The following KIF13B variants were observed in gnomAD, a reference collection of about 807,000 sequenced individuals.
KIF13B encodes the protein kinesin-like protein KIF13B.
KIF13B carries 127 observed loss-of-function variants against 222.0 expected under a neutral mutation model. The observed-to-expected ratio is 0.57, with a 90% CI of 0.50 to 0.66. KIF13B has a LOEUF of 0.66. Ranked by LOEUF, KIF13B falls within the 30% of genes least tolerant of loss-of-function variation. The probability of loss-of-function intolerance (pLI) is 0.00; values close to 1 mark genes in which losing one functional copy is unlikely to be tolerated. For synonymous variants in KIF13B, 976 were observed against 919.0 expected, an observed-to-expected ratio of 1.06 and a Z score of -1.12; for missense variants, 2,173 against 2,379.0, an observed-to-expected ratio of 0.91 and a Z score of 1.80.
intron 31 of KIF13B, among the ~76,000 whole-genome samples, chr8:29,116,326 G>A (rs955945434): frequency 1.3e-5 from 2 of 152,192 alleles, no homozygotes; most frequent in African/African-American, 2.4e-5. Context: ...AAAATTAGCC[G>A]GATGTGGTGG....
At chr8:29,262,702 G>T (rs1816726572) in intron 1 of KIF13B, among the ~76,000 whole-genome samples, 1 of 151,398 alleles carries the variant, frequency 6.6e-6, no homozygotes, top group Admixed American at 6.6e-5. Context: ...AGGGCAAAAG[G>T]GCGCAGGGGC....
chr8:29,230,944 A>G (rs1333211710), intron 2 of KIF13B, among the ~76,000 whole-genome samples: 1 of 152,174 alleles, frequency 6.6e-6, no homozygotes, highest in Non-Finnish European at 1.5e-5. Context: ...CAATCACACC[A>G]TCACGGCTCA....
rs773997871 is a variant in KIF13B, at chr8:29,165,734, T to G, written c.1197A>C (p.Glu399Asp). ...KSPELKDRLE[E>D]SEKLIQEMTV... ...TCATTTCCTGGATTAGCTTCTCAGA[T>G]TCTTCCAGCCGGTCCTTTAGCTCTG... The change falls in exon 12 of 40, where the codon GAA becomes GAC. Residue 399 changes from glutamate to aspartate, a missense_variant. By Grantham distance (45) the Glu-to-Asp change is conservative. Transcript: ENST00000524189. The G allele has an allele frequency of 6.2e-7, 1 of 1,613,894 alleles. No individual in the cohort carries two copies. Among genetic ancestry groups the G allele is most frequent in the East Asian group, 2.2e-5 (1 of 44,890 alleles).
intron 2 of KIF13B, among the ~76,000 whole-genome samples, chr8:29,198,098 A>C (rs1813522384): frequency 6.6e-6 from 1 of 152,214 alleles, no homozygotes; most frequent in Non-Finnish European, 1.5e-5. Context: ...TTCTGACAAG[A>C]ACATTAAAAC....
At chr8:29,253,006 G>A (rs2130682161) in intron 1 of KIF13B, among the ~76,000 whole-genome samples, 1 of 152,258 alleles carries the variant, frequency 6.6e-6, no homozygotes, top group East Asian at 1.9e-4. Flanking sequence ...ATACAACTGA[G>A]CTCTAACATG....
At position 29,071,004 on chromosome 8, in the gene KIF13B, C is replaced by T. The variant is rs901961212; in HGVS notation, c.5219-238G>A. The stretch of plus-strand genomic sequence containing the variant: ...AGTGGTGACCAAGGATGCACAGCCC[C>T]AGTCCTGCAGCCTCAGGTAGGAGGT... On this transcript the variant is annotated intron_variant, in intron 39 of 39. Coordinates refer to ENST00000524189, the MANE Select transcript of KIF13B (RefSeq NM_015254.4). The surrounding 1 kb of genome is among the most constrained non-coding windows in gnomAD (Gnocchi z 4.9). Among the ~76,000 whole-genome samples the T allele has an allele frequency of 1.3e-5, 2 of 152,194 alleles. No individual in the cohort carries two copies. The highest frequency in any genetic ancestry group is 6.5e-5 in the Admixed American group (1 of 15,292).
At chr8:29,244,741 C>T (rs573879306) in intron 2 of KIF13B, among the ~76,000 whole-genome samples, 1 of 152,164 alleles carries the variant, frequency 6.6e-6, no homozygotes, top group Non-Finnish European at 1.5e-5. Context: ...TCATGTTCTT[C>T]CCTTTCCTTT....
intron 36 of KIF13B, among the ~76,000 whole-genome samples, chr8:29,096,433 G>A (rs1351901031): frequency 6.6e-6 from 1 of 151,518 alleles, no homozygotes; most frequent in Non-Finnish European, 1.5e-5. Flanking sequence ...CTGAGTAGAG[G>A]GACTACAAGT....
intron 21 of KIF13B, among the ~76,000 whole-genome samples, chr8:29,135,801 C>T (rs1195325268): frequency 6.6e-6 from 1 of 152,150 alleles, no homozygotes; most frequent in Non-Finnish European, 1.5e-5. Context: ...AAGGCTCAGA[C>T]ACGAGAATCG....
chr8:29,227,846 G>A (rs1815093354), intron 2 of KIF13B, among the ~76,000 whole-genome samples: 1 of 152,092 alleles, frequency 6.6e-6, no homozygotes, highest in Non-Finnish European at 1.5e-5. Context: ...AGCTACTCAG[G>A]AGGCTGAGGT....
intron 21 of KIF13B, among the ~76,000 whole-genome samples, chr8:29,135,736 A>G (rs547222345): frequency 1.3e-5 from 2 of 152,288 alleles, no homozygotes; most frequent in South Asian, 4.1e-4. Flanking sequence ...CGCTACTAAA[A>G]TTACAAAAAT....
chr8:29,142,381 G>T (rs1810856781), intron 18 of KIF13B, 78 bp from the exon 19 acceptor site: 2 of 1,256,278 alleles, frequency 1.6e-6, no homozygotes, highest in South Asian at 1.4e-5. Context: ...ACCCCCATCA[G>T]TCAAATGTCA....
chr8:29,233,682 C>T (rs550056355), intron 2 of KIF13B, among the ~76,000 whole-genome samples: 1 of 152,294 alleles, frequency 6.6e-6, no homozygotes, highest in Admixed American at 6.5e-5. Context: ...GAATTAGAAG[C>T]TGAGAAATTT....
At chr8:29,176,542 G>A (rs1002713298) in intron 9 of KIF13B, among the ~76,000 whole-genome samples, 3 of 152,080 alleles carry the variant, frequency 2.0e-5, no homozygotes, top group Non-Finnish European at 4.4e-5. Flanking sequence ...ATAGCATCTG[G>A]GTGACAGTGT....
chr8:29,189,607 C>T (rs140811146), intron 4 of KIF13B: 1 of 152,326 alleles, frequency 6.6e-6, no homozygotes, highest in African/African-American at 2.4e-5. Context: ...TATTCCTTTC[C>T]ATCAAAAAGA....
intron 2 of KIF13B, 115 bp from the exon 3 acceptor site, chr8:29,196,314 C>T: frequency 1.2e-6 from 1 of 847,288 alleles, no homozygotes; most frequent in Non-Finnish European, 1.9e-6. Context: ...TATGTAAATT[C>T]ACAGTAAGAA....
intron 2 of KIF13B, among the ~76,000 whole-genome samples, chr8:29,230,614 G>A (rs1001469060): frequency 6.6e-6 from 1 of 152,194 alleles, no homozygotes; most frequent in African/African-American, 2.4e-5. Flanking sequence ...CAGGCAAGGA[G>A]GGAAGGGAGT....
intron 18 of KIF13B, among the ~76,000 whole-genome samples, 180 bp from the exon 19 acceptor site, chr8:29,142,483 C>A (rs1302937376): frequency 6.6e-6 from 1 of 152,190 alleles, no homozygotes; most frequent in South Asian, 2.1e-4. Flanking sequence ...TACCTTCCTA[C>A]CCAAGTGCAA....
chr8:29,241,697 CAAGG>C (rs1815785835), intron 2 of KIF13B, among the ~76,000 whole-genome samples: 1 of 117,550 alleles, frequency 8.5e-6, no homozygotes, highest in Non-Finnish European at 1.6e-5. Flanking sequence ...GCACCCGCAG[CAAGG>C]GAGGGAAAAA....
Sources: gnomAD v4.1 joint callset for allele counts (sites outside exome capture counted in the v4.1 genomes callset) on GRCh38, gnomAD v4.1.1 for gene constraint, Gnocchi (gnomAD v3.1) non-coding constraint, MANE v1.5 for transcripts, NCBI Gene and HGNC (gene_info 2026-07-23, HGNC 2026-07-21) for gene names.